The following DPY19L3 variants were observed in gnomAD, a reference collection of about 807,000 sequenced individuals.
The protein encoded by DPY19L3 is dpy-19 like C-mannosyltransferase 3, also known as protein C-mannosyl-transferase DPY19L3.
A neutral mutation model predicts 92.3 loss-of-function variants in DPY19L3; 51 were observed. The observed-to-expected ratio is 0.55, with a 90% CI of 0.44 to 0.70. The LOEUF is 0.70. Among genes scored for constraint, DPY19L3 ranks in the 30% least tolerant of loss-of-function variants. The pLI, the probability that DPY19L3 is intolerant of heterozygous loss-of-function variation, is 0.00. For synonymous variants in DPY19L3, 309 were observed against 315.2 expected, an observed-to-expected ratio of 0.98 and a Z score of 0.21; for missense variants, 706 against 855.9, an observed-to-expected ratio of 0.82 and a Z score of 2.18.
At chr19:32,422,027 C>T (rs1968588297) in intron 3 of DPY19L3, among the ~76,000 whole-genome samples, 2 of 152,182 alleles carry the variant, frequency 1.3e-5, no homozygotes, top group Non-Finnish European at 2.9e-5. Context: ...CTGACCTGAG[C>T]TGTGTGCCTG....
At chr19:32,473,952 G>A (rs1022555383) in intron 16 of DPY19L3, among the ~76,000 whole-genome samples, 4 of 151,994 alleles carry the variant, frequency 2.6e-5, no homozygotes, top group Admixed American at 1.3e-4. Flanking sequence ...ACAGGCAGGC[G>A]CCACCACACC....
At position 32,439,120 on chromosome 19, in the gene DPY19L3, C is replaced by A. The variant is rs749434531; in HGVS notation, c.605C>A (p.Thr202Asn). The change falls in exon 7 of 19, where the codon ACC (threonine) becomes AAC (asparagine). Residue 202 changes from threonine (T) to asparagine (N), a missense_variant. Physicochemically the swap from Thr to Asn is moderately conservative, Grantham distance 65. Transcript: ENST00000392250. ...TGTTTTCTTTTGTGCAGAATAGATA[C>A]CACAAGAGTTGAGTTTACCATCCCA... Reference protein sequence around the residue: ...AFWYVTNRIDTTRVEFTIPLR... With the variant: ...AFWYVTNRIDNTRVEFTIPLR... The A allele has an allele frequency of 6.2e-7, 1 of 1,612,306 alleles. No homozygotes were observed. Among genetic ancestry groups the A allele is most frequent in the South Asian group, 1.1e-5 (1 of 90,840 alleles).
intron 2 of DPY19L3, among the ~76,000 whole-genome samples, chr19:32,410,986 G>A (rs537038434): frequency 9.9e-5 from 15 of 152,130 alleles, no homozygotes; most frequent in Non-Finnish European, 1.9e-4. Flanking sequence ...ACATGAATAA[G>A]ATAATGTATT....
At chr19:32,425,412 G>A (rs989758309) in intron 3 of DPY19L3, among the ~76,000 whole-genome samples, 23 of 152,086 alleles carry the variant, frequency 1.5e-4, no homozygotes, top group Middle Eastern at 6.8e-3. Flanking sequence ...TTAGCCAGGC[G>A]TGATGGCACA....
chr19:32,424,305 G>C (rs555810496), intron 3 of DPY19L3, among the ~76,000 whole-genome samples: 1 of 146,876 alleles, frequency 6.8e-6, no homozygotes, highest in East Asian at 2.0e-4. Context: ...GGGCAACAGA[G>C]TGAGACCCTG....
intron 3 of DPY19L3, among the ~76,000 whole-genome samples, chr19:32,420,936 CTAAG>C (rs1482722683): frequency 6.6e-6 from 1 of 152,114 alleles, no homozygotes; most frequent in African/African-American, 2.4e-5. Context: ...ATTCTTCATC[CTAAG>C]TGCCTAAATA....
chr19:32,420,863 A>G (rs532602667), intron 3 of DPY19L3, among the ~76,000 whole-genome samples: 1 of 152,308 alleles, frequency 6.6e-6, no homozygotes, highest in Admixed American at 6.5e-5. Context: ...AAAAATTTTA[A>G]ATGAAAAACA....
At chr19:32,447,758 TAGATAGATAGATAGATA>T (rs1568343800) in intron 8 of DPY19L3, among the ~76,000 whole-genome samples, 8 of 148,370 alleles carry the variant, frequency 5.4e-5, no homozygotes, top group African/African-American at 1.8e-4. Context: ...GATAGATAGA[TAGATAGATAGATAGATA>T]GATTAGATAA....
chr19:32,409,842 G>T (rs1599579557), intron 2 of DPY19L3, among the ~76,000 whole-genome samples: 1 of 152,142 alleles, frequency 6.6e-6, no homozygotes, highest in East Asian at 1.9e-4. Flanking sequence ...TAAGGGCTCT[G>T]GTTCCATCAC....
Position 32,432,733 on chromosome 19 carries a change from C to G in DPY19L3, c.255C>G (p.Ile85Met). Residue 85 changes from isoleucine (I) to methionine (M), a missense_variant, in exon 4 of 19, where the codon ATC (isoleucine) becomes ATG (methionine). Physicochemically the swap from Ile to Met is conservative, Grantham distance 10 (BLOSUM62 1). Transcript: ENST00000392250. ...TGTTTTAGGAAGTGGAGCGAGAAAT[C>G]TCATTCAGAACAGAGTGTGGCCTGT... ...FSNIKEVEREISFRTECGLYY... is the reference protein window; with the variant it reads ...FSNIKEVEREMSFRTECGLYY... 1 of 1,613,820 alleles carries G rather than the reference C, an allele frequency of 6.2e-7. No homozygotes were observed. The highest frequency in any genetic ancestry group is 2.2e-5 in the East Asian group (1 of 44,844).
chr19:32,433,657 A>G (rs942034587), intron 4 of DPY19L3, among the ~76,000 whole-genome samples: 1 of 152,176 alleles, frequency 6.6e-6, no homozygotes, highest in African/African-American at 2.4e-5. Context: ...TCCTGAGCTC[A>G]AGTGATCCTC....
chr19:32,467,806 C>A lies in DPY19L3; in HGVS notation c.1615-925C>A, dbSNP rs898402719. On this transcript the variant is annotated intron_variant, in intron 15 of 18. Coordinates refer to ENST00000392250, the MANE Select transcript of DPY19L3 (RefSeq NM_001172774.2). ...TTAGTCAACTGTCATTTGATAAAAA[C>A]AATTAAGATTTAGTTAATTGTTGAA... 3.4e-5 allele frequency: 33 copies of A among 979,832 alleles called. No homozygotes were observed. In the African/African-American group the frequency reaches 5.8e-4, roughly 17 times the overall value. The allele number at this position is 979,832 out of a possible 1,614,324, so 60.7% of individuals were successfully genotyped here. A position where few individuals can be genotyped will look rare whatever the true frequency, so the allele number is the denominator to read the frequency against.
intron 3 of DPY19L3, among the ~76,000 whole-genome samples, chr19:32,414,209 A>G (rs905357836): frequency 2.0e-5 from 3 of 152,108 alleles, no homozygotes; most frequent in Admixed American, 2.0e-4. Flanking sequence ...TCACGAGGTT[A>G]GGAAATTGAG....
chr19:32,456,544 C>T (rs2145573307), intron 10 of DPY19L3, among the ~76,000 whole-genome samples: 1 of 151,944 alleles, frequency 6.6e-6, no homozygotes, highest in East Asian at 1.9e-4. Flanking sequence ...TCAAGCAATC[C>T]TTCCACTTCA....
chr19:32,423,057 T>G (rs942658941), intron 3 of DPY19L3, among the ~76,000 whole-genome samples: 2 of 151,956 alleles, frequency 1.3e-5, no homozygotes, highest in African/African-American at 4.8e-5. Flanking sequence ...CCTGAAGAAA[T>G]TGGAAGAGGA....
chr19:32,472,531 A>AT lies in DPY19L3; in HGVS notation c.1697+3735dup, dbSNP rs3038605. Among the ~76,000 whole-genome samples the AT allele has an allele frequency of 2.7e-4, 36 of 134,716 alleles. No individual in the cohort carries two copies. The Middle Eastern group carries it at 0.015, about 56-fold the overall frequency. The allele number at this position is 134,716 out of a possible 152,430, so 88.4% of individuals were successfully genotyped here. On this transcript the variant is annotated intron_variant, in intron 16 of 18. Transcript: ENST00000392250. ...CTGGATACAAAGATTAAAAACTTGG[A>AT]TTTTTTTTTTTTTTTTTGCCTTCTG...
chr19:32,480,737 CG>C, intron 18 of DPY19L3, 180 bp downstream of exon 18: 1 of 844,378 alleles, frequency 1.2e-6, no homozygotes, highest in Non-Finnish European at 1.8e-6. Flanking sequence ...TGACTGCCAC[CG>C]GGGCTGGGCA....
chr19:32,455,113 T>G (rs1004905751), intron 10 of DPY19L3, 73 bp downstream of exon 10: 42 of 1,024,160 alleles, frequency 4.1e-5, no homozygotes, highest in Non-Finnish European at 5.7e-5. Context: ...TTTTGAAACT[T>G]TCTTTTTCTT....
rs1968058930 is a variant in DPY19L3, at chr19:32,408,414, TGTCAC to T, written c.103+59_103+63del. On this transcript the variant is annotated intron_variant, in intron 2 of 18. Coordinates refer to ENST00000392250, the MANE Select transcript of DPY19L3 (RefSeq NM_001172774.2). ...TTGCTTTTATTTCTGCATATTAAAA[TGTCAC>T]TCTCCAATAGGATAAAAATTTGGTG... 5 of 1,291,774 alleles carry T rather than the reference TGTCAC, an allele frequency of 3.9e-6. No homozygotes were observed. In the Admixed American group the frequency reaches 5.6e-5, roughly 15 times the overall value. The allele number at this position is 1,291,774 out of a possible 1,614,324, so 80.0% of individuals were successfully genotyped here.
Sources: gnomAD v4.1 joint callset for allele counts (sites outside exome capture counted in the v4.1 genomes callset) on GRCh38, gnomAD v4.1.1 for gene constraint, MANE v1.5 for transcripts, NCBI Gene and HGNC (gene_info 2026-07-23, HGNC 2026-07-21) for gene names.